Variants in SCFD2 observed in about 807,000 individuals in gnomAD.
The protein encoded by SCFD2 is sec1 family domain containing 2, also known as sec1 family domain-containing protein 2.
A neutral mutation model predicts 58.9 loss-of-function variants in SCFD2; 54 were observed. The ratio of observed to expected loss-of-function variants is 0.92; its 90% CI spans 0.74 to 1.15. The LOEUF (loss-of-function observed/expected upper bound fraction) is 1.15, where lower values mean the gene tolerates loss of function less well. Among genes scored for constraint, SCFD2 ranks in the 50% most tolerant of loss-of-function variants. The pLI is 0.00. For missense variants in SCFD2, 805 were observed against 836.6 expected (o/e 0.96, Z 0.47); for synonymous variants, 321 against 335.9 (o/e 0.96, Z 0.49).
intron 2 of SCFD2, among the ~76,000 whole-genome samples, chr4:53,330,425 A>G (rs570171345): frequency 3.2e-4 from 48 of 152,158 alleles, no homozygotes; most frequent in Non-Finnish European, 6.2e-4. Flanking sequence ...GCCAGAAGAG[A>G]GTGGGGGGCA....
chr4:53,332,661 G>A (rs1229112526), intron 2 of SCFD2, among the ~76,000 whole-genome samples: 1 of 152,064 alleles, frequency 6.6e-6, no homozygotes, highest in East Asian at 1.9e-4. Flanking sequence ...GGCAAAAACT[G>A]GAAGCATTCC....
At chr4:53,324,605 C>A (rs1380942041) in intron 2 of SCFD2, among the ~76,000 whole-genome samples, 2 of 152,010 alleles carry the variant, frequency 1.3e-5, no homozygotes, top group Non-Finnish European at 2.9e-5. Context: ...CAGGCTCATG[C>A]CCTTATTGTG....
chr4:53,342,311 GT>G (rs762994743), intron 2 of SCFD2, among the ~76,000 whole-genome samples: 6 of 152,168 alleles, frequency 3.9e-5, no homozygotes, highest in Non-Finnish European at 5.9e-5. Flanking sequence ...TGCAATCCTA[GT>G]CTTGGATAAA....
At position 53,001,794 on chromosome 4, in the gene SCFD2, CT is replaced by C. The variant is rs1188334251; in HGVS notation, c.1562-80925del. 2.0e-5 allele frequency among the ~76,000 whole-genome samples: 3 copies of C among 152,314 alleles called. No homozygotes were observed. In the East Asian group the frequency reaches 5.8e-4, roughly 29 times the overall value. ...TGCACACCAAGCATTGTGCTAGATA[CT>C]TTACCTACAATGTCTCACTTAATCC... On this transcript the variant is annotated intron_variant, in intron 5 of 8. Coordinates refer to ENST00000401642, the MANE Select transcript of SCFD2 (RefSeq NM_152540.4).
chr4:53,365,046 A>G lies in SCFD2; in HGVS notation c.838+58T>C. On this transcript the variant is annotated intron_variant, in intron 1 of 8. Transcript: ENST00000401642. The surrounding 1 kb of genome is among the most constrained non-coding windows in gnomAD (Gnocchi z 4.3). ...GGTCAATAAAATATATGCTGAATCA[A>G]TGAAAGTCCCAGCAATGTGGGGAAT... 7.8e-6 allele frequency: 12 copies of G among 1,547,680 alleles called. No homozygotes were observed. The South Asian group carries it at 1.1e-4, about 14-fold the overall frequency.
At chr4:53,178,267 A>C (rs1727412834) in intron 4 of SCFD2, among the ~76,000 whole-genome samples, 1 of 152,086 alleles carries the variant, frequency 6.6e-6, no homozygotes, top group Non-Finnish European at 1.5e-5. Context: ...GCAGACTGAC[A>C]CCTCACACAG....
chr4:53,124,805 T>A (rs1274401231), intron 5 of SCFD2, among the ~76,000 whole-genome samples: 1 of 152,192 alleles, frequency 6.6e-6, no homozygotes, highest in Non-Finnish European at 1.5e-5. Flanking sequence ...CATTCCTTCC[T>A]TCAGCACCAC....
intron 3 of SCFD2, among the ~76,000 whole-genome samples, chr4:53,281,019 C>G (rs530948172): frequency 1.3e-5 from 2 of 152,336 alleles, no homozygotes; most frequent in South Asian, 4.1e-4. Flanking sequence ...AGCACCCATT[C>G]ATCCTTGCTT....
At chr4:53,120,492 T>G (rs544451312) in intron 5 of SCFD2, among the ~76,000 whole-genome samples, 1 of 152,180 alleles carries the variant, frequency 6.6e-6, no homozygotes, top group Non-Finnish European at 1.5e-5. Context: ...TAGTCCTAAA[T>G]CACTGTGATA....
At chr4:53,269,281 T>C (rs1731087572) in intron 4 of SCFD2, among the ~76,000 whole-genome samples, 2 of 152,144 alleles carry the variant, frequency 1.3e-5, no homozygotes, top group African/African-American at 4.8e-5. Context: ...GTGGTGATCA[T>C]GCCACTGCAC....
intron 3 of SCFD2, among the ~76,000 whole-genome samples, chr4:53,278,520 C>G (rs1731405935): frequency 6.6e-6 from 1 of 150,538 alleles, no homozygotes; most frequent in Middle Eastern, 3.4e-3. Flanking sequence ...CAGAGTGAGA[C>G]TCCATCTCAA....
At chr4:53,047,609 T>C (rs962339155) in intron 5 of SCFD2, among the ~76,000 whole-genome samples, 1 of 152,224 alleles carries the variant, frequency 6.6e-6, no homozygotes, top group Non-Finnish European at 1.5e-5. Flanking sequence ...CATACACTTC[T>C]ATCAGGTGAC....
intron 5 of SCFD2, among the ~76,000 whole-genome samples, chr4:53,074,351 G>A (rs1008961841): frequency 3.3e-5 from 5 of 152,104 alleles, no homozygotes; most frequent in Admixed American, 1.3e-4. Context: ...TTCATCTGCT[G>A]AAGTCTTGAA....
intron 5 of SCFD2, among the ~76,000 whole-genome samples, chr4:53,131,102 A>C (rs2148899674): frequency 6.6e-6 from 1 of 152,360 alleles, no homozygotes; most frequent in Middle Eastern, 3.4e-3. Flanking sequence ...TGAATGATTC[A>C]GCAGAAAAAA....
chr4:52,947,716 AC>A (rs893848737), intron 5 of SCFD2, among the ~76,000 whole-genome samples: 3 of 152,054 alleles, frequency 2.0e-5, no homozygotes, highest in Admixed American at 6.6e-5. Flanking sequence ...TCGCAAAAAA[AC>A]GATATAAAAT....
chr4:53,355,507 T>C (rs1464349221), intron 1 of SCFD2, among the ~76,000 whole-genome samples: 1 of 152,200 alleles, frequency 6.6e-6, no homozygotes, highest in Admixed American at 6.5e-5. Context: ...AACTAAGCTC[T>C]CGTAATCTCT....
At chr4:52,955,696 A>G (rs919446864) in intron 5 of SCFD2, among the ~76,000 whole-genome samples, 1 of 152,344 alleles carries the variant, frequency 6.6e-6, no homozygotes, top group East Asian at 1.9e-4. Flanking sequence ...CTGATAGGAC[A>G]TTCATAAAAA....
chr4:53,214,139 A>C (rs977989262), intron 4 of SCFD2, among the ~76,000 whole-genome samples: 2 of 152,144 alleles, frequency 1.3e-5, no homozygotes, highest in African/African-American at 4.8e-5. Flanking sequence ...TCTTTATAGC[A>C]GCATGATATA....
At chr4:53,099,266 A>G (rs1329200712) in intron 5 of SCFD2, among the ~76,000 whole-genome samples, 1 of 152,226 alleles carries the variant, frequency 6.6e-6, no homozygotes, top group Non-Finnish European at 1.5e-5. Context: ...TCCTTTTGTC[A>G]CATGAGGTCA....
Sources: allele counts gnomAD v4.1 joint callset (sites outside exome capture counted in the v4.1 genomes callset), GRCh38; gene constraint gnomAD v4.1.1; non-coding constraint Gnocchi (gnomAD v3.1); transcripts MANE v1.5; gene names NCBI Gene and HGNC (gene_info 2026-07-23, HGNC 2026-07-21).